Variants in GRM8 observed in about 807,000 individuals in gnomAD.
GRM8 encodes the protein glutamate metabotropic receptor 8.
Under a neutral mutation model 87.2 loss-of-function variants are expected in GRM8, and 47 were observed. The ratio of observed to expected loss-of-function variants is 0.54; its 90% CI spans 0.43 to 0.69. The LOEUF (loss-of-function observed/expected upper bound fraction) is 0.69, where lower values mean the gene tolerates loss of function less well. Among genes scored for constraint, GRM8 ranks in the 30% least tolerant of loss-of-function variants. The pLI is 0.00. For synonymous variants in GRM8, 396 were observed against 404.5 expected (o/e 0.98, Z 0.25); for missense variants, 1,019 against 1,139.2 (o/e 0.89, Z 1.52).
intron 8 of GRM8, among the ~76,000 whole-genome samples, chr7:126,553,443 T>C (rs1199488466): frequency 6.6e-6 from 1 of 152,150 alleles, no homozygotes; most frequent in Non-Finnish European, 1.5e-5. Flanking sequence ...TGGAATGAAA[T>C]ATTAAAATGC....
intron 2 of GRM8, among the ~76,000 whole-genome samples, chr7:127,218,469 T>C (rs1796707333): frequency 6.6e-6 from 1 of 152,204 alleles, no homozygotes; most frequent in African/African-American, 2.4e-5. Flanking sequence ...CTTGGGCAAG[T>C]TATTTTGCCT....
intron 7 of GRM8, among the ~76,000 whole-genome samples, chr7:126,724,775 T>C (rs527891080): frequency 3.4e-5 from 5 of 146,606 alleles, no homozygotes; most frequent in African/African-American, 1.0e-4. Flanking sequence ...AAAAAAAAAA[T>C]TGGGGGGCTT....
intron 2 of GRM8, among the ~76,000 whole-genome samples, chr7:127,242,011 C>T (rs889121872): frequency 1.3e-5 from 2 of 152,010 alleles, no homozygotes; most frequent in Admixed American, 6.6e-5. Flanking sequence ...TATGTAAATG[C>T]AACATATGGG....
At chr7:127,029,136 C>G (rs1204094080) in intron 3 of GRM8, among the ~76,000 whole-genome samples, 3 of 152,000 alleles carry the variant, frequency 2.0e-5, no homozygotes, top group Non-Finnish European at 4.4e-5. Flanking sequence ...TTCCATGTAT[C>G]TGTGTGGTTT....
intron 3 of GRM8, among the ~76,000 whole-genome samples, chr7:126,926,947 C>T (rs1805194665): frequency 6.6e-6 from 1 of 152,174 alleles, no homozygotes; most frequent in Non-Finnish European, 1.5e-5. Context: ...CCTATTGGTT[C>T]TTTAAGGTTA....
intron 9 of GRM8, among the ~76,000 whole-genome samples, chr7:126,464,765 A>C (rs566166691): frequency 6.6e-6 from 1 of 151,842 alleles, no homozygotes; most frequent in Non-Finnish European, 1.5e-5. Flanking sequence ...ATAAGCAAAG[A>C]GAAAACTATT....
intron 6 of GRM8, among the ~76,000 whole-genome samples, chr7:126,876,570 C>T (rs879898083): frequency 6.6e-6 from 1 of 152,150 alleles, no homozygotes; most frequent in African/African-American, 2.4e-5. Flanking sequence ...GGATACTCCT[C>T]CCCCTTTATC....
intron 9 of GRM8, among the ~76,000 whole-genome samples, chr7:126,458,354 G>A (rs985861995): frequency 6.6e-6 from 1 of 151,072 alleles, no homozygotes; most frequent in Non-Finnish European, 1.5e-5. Flanking sequence ...CATTTTCTAT[G>A]CCAGGAAAAT....
chr7:126,810,286 C>T (rs1257760996), intron 6 of GRM8, among the ~76,000 whole-genome samples: 2 of 152,114 alleles, frequency 1.3e-5, no homozygotes, highest in Non-Finnish European at 2.9e-5. Context: ...CCAAAGAAGG[C>T]TCTTTAAGAG....
In GRM8 at chr7:127,162,065, G is replaced by A. The variant is rs1052966208; in HGVS notation, c.511-55353C>T. On this transcript the variant is annotated intron_variant, in intron 2 of 10. Coordinates refer to ENST00000339582, the MANE Select transcript of GRM8 (RefSeq NM_000845.3). ...CCTGTCAAGATGTGTGATCCTTGAT[G>A]GGTCCTTTAACTCTTCTGGTTATAC... Among the ~76,000 whole-genome samples, 50 of 152,160 alleles carry A rather than the reference G, an allele frequency of 3.3e-4. 1 individual carries two copies. The highest frequency in any genetic ancestry group is 1.1e-3 in the African/African-American group (45 of 41,446).
At chr7:127,143,381 A>C (rs1481227813) in intron 2 of GRM8, among the ~76,000 whole-genome samples, 1 of 152,136 alleles carries the variant, frequency 6.6e-6, no homozygotes, top group African/African-American at 2.4e-5. Context: ...GTTGTTACTA[A>C]ATCTCTTCAG....
At chr7:126,846,405 C>G (rs541245248) in intron 6 of GRM8, among the ~76,000 whole-genome samples, 67 of 152,338 alleles carry the variant, frequency 4.4e-4, no homozygotes, top group African/African-American at 1.4e-3. Context: ...ACAGTGTGAA[C>G]TTAAGTGTAA....
intron 2 of GRM8, among the ~76,000 whole-genome samples, chr7:127,133,567 A>G (rs552474528): frequency 5.3e-5 from 8 of 151,752 alleles, no homozygotes; most frequent in East Asian, 2.0e-4. Flanking sequence ...TTAGTCAGGC[A>G]TGGTGGCAGG....
At chr7:127,113,355 C>T (rs1474043771) in intron 2 of GRM8, among the ~76,000 whole-genome samples, 1 of 152,162 alleles carries the variant, frequency 6.6e-6, no homozygotes, top group Non-Finnish European at 1.5e-5. Flanking sequence ...CCTCCAAATT[C>T]TAGGAAATTT....
At chr7:126,803,934 C>T (rs1036386329) in intron 6 of GRM8, among the ~76,000 whole-genome samples, 13 of 152,230 alleles carry the variant, frequency 8.5e-5, no homozygotes, top group African/African-American at 2.9e-4. Context: ...GTCACTAATA[C>T]TATTATCATG....
chr7:126,542,941 G>C (rs1440717768), intron 8 of GRM8, among the ~76,000 whole-genome samples: 2 of 152,206 alleles, frequency 1.3e-5, no homozygotes, highest in Non-Finnish European at 2.9e-5. Flanking sequence ...ATACAGTAAA[G>C]ACAACAGAGA....
chr7:127,074,456 G>C (rs1822053610), intron 3 of GRM8, among the ~76,000 whole-genome samples: 1 of 152,146 alleles, frequency 6.6e-6, no homozygotes, highest in Non-Finnish European at 1.5e-5. Context: ...CTCCTCTGGG[G>C]ACAGAGCTTC....
chr7:126,607,569 G>C (rs532132004), intron 8 of GRM8, among the ~76,000 whole-genome samples: 1 of 152,096 alleles, frequency 6.6e-6, no homozygotes, highest in Non-Finnish European at 1.5e-5. Flanking sequence ...ATCAAGAAGA[G>C]GAGATGTTTT....
intron 7 of GRM8, among the ~76,000 whole-genome samples, chr7:126,613,976 C>T (rs1799185743): frequency 6.6e-6 from 1 of 152,216 alleles, no homozygotes; most frequent in Non-Finnish European, 1.5e-5. Flanking sequence ...AAACAAAAGG[C>T]AGCAGACCTC....
Sources: gnomAD v4.1 joint callset for allele counts (sites outside exome capture counted in the v4.1 genomes callset) on GRCh38, gnomAD v4.1.1 for gene constraint, MANE v1.5 for transcripts, NCBI Gene and HGNC (gene_info 2026-07-23, HGNC 2026-07-21) for gene names.